AKAP12: variants seen among roughly 807,000 people sequenced by gnomAD.
AKAP12 encodes the protein A-kinase anchor protein 12.
AKAP12 carries 32 observed loss-of-function variants against 79.9 expected under a neutral mutation model. That is an observed-to-expected ratio of 0.40 (90% CI 0.30 to 0.54). The LOEUF is 0.54. AKAP12 is among the 20% of genes least tolerant of loss of function. The pLI is 0.48. For synonymous variants in AKAP12, 808 were observed against 857.0 expected, an observed-to-expected ratio of 0.94 and a Z score of 1.00; for missense variants, 2,074 against 2,177.0, an observed-to-expected ratio of 0.95 and a Z score of 0.94.
intron 3 of AKAP12, among the ~76,000 whole-genome samples, chr6:151,331,988 C>G (rs1246822912): frequency 6.7e-6 from 1 of 149,494 alleles, no homozygotes; most frequent in African/African-American, 2.5e-5. Flanking sequence ...CTCAGCCTCC[C>G]AAGTAGCTGG....
chr6:151,315,851 A>G (rs979946422), intron 3 of AKAP12, among the ~76,000 whole-genome samples: 1 of 152,178 alleles, frequency 6.6e-6, no homozygotes, highest in African/African-American at 2.4e-5. Context: ...ATCCTTCTTC[A>G]CATGGCAGCA....
At chr6:151,292,154 G>T (rs899967398) in intron 2 of AKAP12, among the ~76,000 whole-genome samples, 1 of 152,166 alleles carries the variant, frequency 6.6e-6, no homozygotes, top group East Asian at 1.9e-4. Context: ...CAAATATTTG[G>T]AGTTGAACAT....
At chr6:151,345,405 T>G (rs1582896987) in intron 3 of AKAP12, among the ~76,000 whole-genome samples, 1 of 152,276 alleles carries the variant, frequency 6.6e-6, no homozygotes, top group Admixed American at 6.5e-5. Context: ...AATTTGTGCT[T>G]AAAACATTAA....
chr6:151,272,506 G>GATAGAT (rs1554321934), intron 2 of AKAP12, among the ~76,000 whole-genome samples: 4 of 148,942 alleles, frequency 2.7e-5, no homozygotes, highest in Non-Finnish European at 4.4e-5. Flanking sequence ...TAGATAGATA[G>GATAGAT]ATAGATAGAT....
rs1378456194 is a variant in AKAP12, at chr6:151,350,999, G to C, written c.2608G>C (p.Glu870Gln). ...MEAQQAQKSA[E>Q]QPEQKAATEV... Reference sequence around the variant, plus strand: ...GGCACAGCAAGCCCAAAAAAGCGCAGAGCAGCCCGAGCAGAAGGCAGCCAC... The same window carrying C: ...GGCACAGCAAGCCCAAAAAAGCGCACAGCAGCCCGAGCAGAAGGCAGCCAC... The change falls in exon 4 of 5, where the codon GAG becomes CAG. Residue 870 changes from glutamate to glutamine, a missense_variant. Glu to Gln is a conservative substitution (Grantham distance 29). This residue lies in a region of AKAP12 where 1,428 missense variants were observed against 1,451.0 expected (regional missense o/e 0.98). Coordinates refer to ENST00000402676, the MANE Select transcript of AKAP12 (RefSeq NM_005100.4). The surrounding 1 kb of genome is among the most constrained non-coding windows in gnomAD (Gnocchi z 4.8). 2 of 1,614,042 alleles carry C rather than the reference G, an allele frequency of 1.2e-6. No individual in the cohort carries two copies. The highest frequency in any genetic ancestry group is 2.2e-5 in the South Asian group (2 of 91,060).
In AKAP12 at chr6:151,351,911, A is replaced by C; in HGVS notation, c.3520A>C (p.Ser1174Arg). The change falls in exon 4 of 5, where the codon AGC becomes CGC. Residue 1174 changes from serine (S) to arginine (R), a missense_variant. Coordinates refer to ENST00000402676, the MANE Select transcript of AKAP12 (RefSeq NM_005100.4). The surrounding 1 kb of genome is among the most constrained non-coding windows in gnomAD (Gnocchi z 4.4). Reference sequence around the variant, plus strand: ...CCCTACAGACAGTGAGACTGATGGAAGCACCCCCGTAGCCGACTTTGACGC... The same window carrying C: ...CCCTACAGACAGTGAGACTGATGGACGCACCCCCGTAGCCGACTTTGACGC... ...ETPTDSETDG[S>R]TPVADFDAPG... 6.2e-7 allele frequency: 1 copy of C among 1,614,142 alleles called. No homozygotes were observed.
At chr6:151,274,275 T>C (rs11962413) in intron 2 of AKAP12, among the ~76,000 whole-genome samples, 94,477 of 151,078 alleles carry the variant, frequency 0.63, 30,167 homozygotes, top group African/African-American at 0.77. Context: ...AGATGGGTTC[T>C]ACCATTTTGC....
Position 151,341,575 on chromosome 6 carries a change from G to T in AKAP12, c.320-7136G>T, listed in dbSNP as rs1339417366. 33 of 474,188 alleles carry T rather than the reference G, an allele frequency of 7.0e-5. 1 individual carries two copies. In the South Asian group the frequency reaches 1.0e-3, roughly 14 times the overall value. 29.4% of individuals were successfully genotyped at this position (474,188 alleles called of 1,614,324 possible). On this transcript the variant is annotated intron_variant, in intron 3 of 4. Coordinates refer to ENST00000402676, the MANE Select transcript of AKAP12 (RefSeq NM_005100.4). ...TTCGCGGCTGGCTTCCCGGGCCCAGGCTTTCGCGAGCTATGGCAGCCGGCA... is the reference window on the plus strand; with the variant it reads ...TTCGCGGCTGGCTTCCCGGGCCCAGTCTTTCGCGAGCTATGGCAGCCGGCA...
chr6:151,273,389 A>G (rs1776229252), intron 2 of AKAP12, among the ~76,000 whole-genome samples: 1 of 152,160 alleles, frequency 6.6e-6, no homozygotes, highest in Non-Finnish European at 1.5e-5. Context: ...GTGGGGTACT[A>G]TGGTAGTTTC....
At chr6:151,259,491 CAT>C (rs139288674) in intron 2 of AKAP12, among the ~76,000 whole-genome samples, 6 of 139,482 alleles carry the variant, frequency 4.3e-5, no homozygotes, top group African/African-American at 1.6e-4. Context: ...TATACACACA[CAT>C]ATACATGTAT....
At chr6:151,299,107 T>C (rs1170161299) in intron 2 of AKAP12, among the ~76,000 whole-genome samples, 1 of 152,206 alleles carries the variant, frequency 6.6e-6, no homozygotes, top group Non-Finnish European at 1.5e-5. Flanking sequence ...GTCAGGAGCC[T>C]GTAGTGGCCT....
chr6:151,353,528 G>T lies in AKAP12; in HGVS notation c.5137G>T (p.Ala1713Ser), dbSNP rs752255026. 4 of 1,614,090 alleles carry T rather than the reference G, an allele frequency of 2.5e-6. No individual in the cohort carries two copies. The highest frequency in any genetic ancestry group is 1.7e-5 in the Admixed American group (1 of 60,000). ...TGATGACCCTGAAAACCAGAACTCA[G>T]CCCTGGCTGATACTGATGCCTCAGG... ...DVDDPENQNS[A>S]LADTDASGGL... Residue 1713 changes from alanine to serine, a missense_variant, in exon 4 of 5, where the codon GCC becomes TCC. Transcript: ENST00000402676.
intron 2 of AKAP12, among the ~76,000 whole-genome samples, chr6:151,257,978 G>T (rs1327046115): frequency 6.6e-6 from 1 of 152,054 alleles, no homozygotes. Flanking sequence ...TTATTTTTTG[G>T]TCTCCAGTAA....
chr6:151,319,468 TCTATCTATCTATCTATCTA>T (rs1777313789), intron 3 of AKAP12, among the ~76,000 whole-genome samples: 1 of 142,868 alleles, frequency 7.0e-6, no homozygotes, highest in Admixed American at 6.9e-5. Context: ...TATCTATCTA[TCTATCTATCTATCTATCTA>T]CTATCTATAA....
At position 151,353,719 on chromosome 6, in the gene AKAP12, G is replaced by A; in HGVS notation, c.5328G>A (p.Lys1776=). ...ELQKQERESA[K]SELTES ...AGAAACAAGAGAGAGAATCTGCAAAGTCAGAACTTACAGAATCTTAAAACA... is the reference window on the plus strand; with the variant it reads ...AGAAACAAGAGAGAGAATCTGCAAAATCAGAACTTACAGAATCTTAAAACA... The change falls in exon 4 of 5, where the codon AAG becomes AAA. Residue 1776 remains lysine, a synonymous_variant. Transcript: ENST00000402676. 1 of 1,593,700 alleles carries A rather than the reference G, an allele frequency of 6.3e-7. No individual in the cohort carries two copies. Among genetic ancestry groups the A allele is most frequent in the Middle Eastern group, 1.7e-4 (1 of 5,942 alleles).
At chr6:151,338,992 G>T (rs74962408) in intron 3 of AKAP12, among the ~76,000 whole-genome samples, 105 of 152,262 alleles carry the variant, frequency 6.9e-4, no homozygotes, top group African/African-American at 2.5e-3. Context: ...CACTTTGATG[G>T]ATGCTCGGGC....
At chr6:151,336,110 A>T (rs529290746) in intron 3 of AKAP12, among the ~76,000 whole-genome samples, 3 of 152,116 alleles carry the variant, frequency 2.0e-5, no homozygotes, top group Non-Finnish European at 2.9e-5. Flanking sequence ...CTTCTTTTTC[A>T]TGGCTGCATA....
intron 3 of AKAP12, among the ~76,000 whole-genome samples, chr6:151,312,648 C>T (rs535280513): frequency 1.3e-3 from 192 of 151,982 alleles, no homozygotes; most frequent in Non-Finnish European, 2.4e-3. Context: ...AAAAATTAGC[C>T]GGGCGTGGTG....
intron 2 of AKAP12, among the ~76,000 whole-genome samples, chr6:151,266,261 C>A (rs1046580278): frequency 2.6e-5 from 4 of 152,176 alleles, no homozygotes; most frequent in Middle Eastern, 3.2e-3. Context: ...ATATTTTTCT[C>A]TTCTTTCTTT....
Sources: gnomAD v4.1 joint callset for allele counts (sites outside exome capture counted in the v4.1 genomes callset) on GRCh38, gnomAD v4.1.1 for gene constraint, gnomAD v4.1.1 regional missense constraint, Gnocchi (gnomAD v3.1) non-coding constraint, MANE v1.5 for transcripts, NCBI Gene and HGNC (gene_info 2026-07-23, HGNC 2026-07-21) for gene names.